The following ARHGAP35 variants were observed in gnomAD, a reference collection of about 807,000 sequenced individuals.
The protein encoded by ARHGAP35 is rho GTPase-activating protein 35.
ARHGAP35 carries 15 observed loss-of-function variants against 111.1 expected under a neutral mutation model. That is an observed-to-expected ratio of 0.13 (90% CI 0.09 to 0.21). The LOEUF (loss-of-function observed/expected upper bound fraction) is 0.21, where lower values mean the gene tolerates loss of function less well. ARHGAP35 is among the 10% of genes least tolerant of loss of function. The probability of loss-of-function intolerance (pLI) is 1.00; values close to 1 mark genes in which losing one functional copy is unlikely to be tolerated. For synonymous variants in ARHGAP35, 643 were observed against 710.3 expected (o/e 0.91, Z 1.51); for missense variants, 1,262 against 1,873.0 (o/e 0.67, Z 6.02).
chr19:46,904,623 A>G (rs545485531), intron 1 of ARHGAP35, among the ~76,000 whole-genome samples: 2 of 152,308 alleles, frequency 1.3e-5, no homozygotes, highest in South Asian at 4.1e-4. Context: ...CCATGATTCC[A>G]TCGTAAAGCA....
At chr19:46,903,790 C>G (rs1302687967) in intron 1 of ARHGAP35, among the ~76,000 whole-genome samples, 3 of 152,186 alleles carry the variant, frequency 2.0e-5, no homozygotes, top group Non-Finnish European at 4.4e-5. Context: ...AATCATGAAG[C>G]TAGCACTTTA....
At chr19:46,904,056 TC>T (rs1009994694) in intron 1 of ARHGAP35, among the ~76,000 whole-genome samples, 13 of 152,162 alleles carry the variant, frequency 8.5e-5, no homozygotes, top group African/African-American at 2.4e-4. Flanking sequence ...TTCTTTTTTG[TC>T]CCCTTCCCAG....
intron 1 of ARHGAP35, among the ~76,000 whole-genome samples, 23 bp downstream of exon 1, chr19:46,861,232 C>A (rs1437293209): frequency 6.6e-6 from 1 of 151,294 alleles, no homozygotes; most frequent in Admixed American, 6.6e-5. Context: ...GCTCACGGGC[C>A]CCGGGCGGCG....
intron 1 of ARHGAP35, among the ~76,000 whole-genome samples, chr19:46,911,199 C>T (rs1227104497): frequency 1.3e-5 from 2 of 152,202 alleles, no homozygotes; most frequent in Non-Finnish European, 2.9e-5. Flanking sequence ...CAAACTCTGC[C>T]AGTCTTTTAA....
chr19:46,902,301 A>G (rs2056086431), intron 1 of ARHGAP35, among the ~76,000 whole-genome samples: 1 of 152,202 alleles, frequency 6.6e-6, no homozygotes, highest in Non-Finnish European at 1.5e-5. Context: ...TGGCATTCTT[A>G]TGGAATGATA....
At chr19:46,946,433 G>C (rs1049675233) in intron 3 of ARHGAP35, 2 of 152,234 alleles carry the variant, frequency 1.3e-5, no homozygotes, top group Non-Finnish European at 2.9e-5. Context: ...ACCTTGAGAG[G>C]AGTCCTGCAT....
intron 1 of ARHGAP35, among the ~76,000 whole-genome samples, chr19:46,876,132 G>T (rs1181368555): frequency 2.0e-5 from 3 of 151,980 alleles, no homozygotes. Context: ...TAGGGTAACT[G>T]TGCTAGTTAA....
At chr19:46,910,175 TG>T (rs2056130491) in intron 1 of ARHGAP35, among the ~76,000 whole-genome samples, 1 of 152,172 alleles carries the variant, frequency 6.6e-6, no homozygotes, top group Non-Finnish European at 1.5e-5. Context: ...TGCAGTGATG[TG>T]ATCATAGATC....
chr19:46,912,656 G>C (rs955278815), intron 1 of ARHGAP35, among the ~76,000 whole-genome samples: 4 of 152,064 alleles, frequency 2.6e-5, no homozygotes, highest in Middle Eastern at 3.2e-3. Flanking sequence ...GCTCCTGGTC[G>C]TGTTCTCTTC....
intron 3 of ARHGAP35, chr19:46,946,878 G>A (rs1480793552): frequency 6.6e-6 from 1 of 152,186 alleles, no homozygotes; most frequent in Non-Finnish European, 1.5e-5. Context: ...CCTAAGCCCA[G>A]CTTCACATTT....
chr19:46,999,012 T>A lies in ARHGAP35; in HGVS notation c.4037-292T>A. 1 of 371,132 alleles carries A rather than the reference T, an allele frequency of 2.7e-6. No homozygotes were observed. Among genetic ancestry groups the A allele is most frequent in the Non-Finnish European group, 4.9e-6 (1 of 205,902 alleles). The allele number at this position is 371,132 out of a possible 1,614,324, so 23.0% of individuals were successfully genotyped here. ...CGGATGAGCAAAGAATGGTGTTCTT[T>A]ATGGCGGAGTGTCTCCAGATTGTTC... On this transcript the variant is annotated intron_variant, in intron 5 of 6. Coordinates refer to ENST00000672722, the MANE Select transcript of ARHGAP35 (RefSeq NM_004491.5). The surrounding 1 kb of genome is among the most constrained non-coding windows in gnomAD (Gnocchi z 5.4).
chr19:46,881,350 T>A (rs1162231492), intron 1 of ARHGAP35, among the ~76,000 whole-genome samples: 1 of 152,222 alleles, frequency 6.6e-6, no homozygotes, highest in East Asian at 1.9e-4. Context: ...AGTGTTGCCT[T>A]ATGAAATGTG....
intron 2 of ARHGAP35, among the ~76,000 whole-genome samples, chr19:46,935,113 C>T (rs1044260234): frequency 2.0e-5 from 3 of 152,148 alleles, no homozygotes; most frequent in Non-Finnish European, 2.9e-5. Context: ...AGTCTGAAGT[C>T]AGAGCCTGTT....
chr19:46,958,468 A>G (rs975185777), intron 3 of ARHGAP35, among the ~76,000 whole-genome samples: 15 of 152,210 alleles, frequency 9.9e-5, no homozygotes, highest in South Asian at 2.1e-4. Context: ...TTCCTAGTCT[A>G]ACAAATTTGT....
At chr19:46,956,956 C>CCTTTTT (rs767250329) in intron 3 of ARHGAP35, among the ~76,000 whole-genome samples, 1 of 107,618 alleles carries the variant, frequency 9.3e-6, no homozygotes, top group African/African-American at 3.7e-5. Flanking sequence ...TTAAAGCAGA[C>CCTTTTT]TTTTTTTTTT....
At chr19:46,888,837 C>CAAAA (rs769595005) in intron 1 of ARHGAP35, among the ~76,000 whole-genome samples, 3 of 57,362 alleles carry the variant, frequency 5.2e-5, no homozygotes, top group African/African-American at 9.9e-5. Context: ...ACTAAAAATA[C>CAAAA]AAAAAAAAAA....
chr19:46,989,469 C>G lies in ARHGAP35; in HGVS notation c.3905-75C>G. The G allele has an allele frequency of 6.3e-7, 1 of 1,586,596 alleles. No homozygotes were observed. Among genetic ancestry groups the G allele is most frequent in the Non-Finnish European group, 8.6e-7 (1 of 1,162,548 alleles). ...GCTCCTTGAGGTTTCTCTAGCCTCT[C>G]CTGAGCCCCGAGTTGTCCTGATGCT... On this transcript the variant is annotated intron_variant, in intron 4 of 6. Coordinates refer to ENST00000672722, the MANE Select transcript of ARHGAP35 (RefSeq NM_004491.5). The surrounding 1 kb of genome is among the most constrained non-coding windows in gnomAD (Gnocchi z 5.3).
Position 47,001,534 on chromosome 19 carries a change from G to T in ARHGAP35, c.*846G>T, listed in dbSNP as rs569104694. Reference sequence around the variant, plus strand: ...GTCTTTGTGGCAGCAAAACCAGGATGCCTGGAGCTGTGGCCTGAGGGCCTG... The same window carrying T: ...GTCTTTGTGGCAGCAAAACCAGGATTCCTGGAGCTGTGGCCTGAGGGCCTG... On this transcript the variant is annotated 3_prime_UTR_variant, in exon 7 of 7. Coordinates refer to ENST00000672722, the MANE Select transcript of ARHGAP35 (RefSeq NM_004491.5). The surrounding 1 kb of genome is among the most constrained non-coding windows in gnomAD (Gnocchi z 5.4). The T allele has an allele frequency of 5.9e-4, 387 of 657,646 alleles. 2 individuals are homozygous for T. The highest frequency in any genetic ancestry group is 7.2e-4 in the South Asian group (40 of 55,936). 40.7% of individuals were successfully genotyped at this position (657,646 alleles called of 1,614,324 possible).
At chr19:46,870,610 G>A (rs534594594) in intron 1 of ARHGAP35, among the ~76,000 whole-genome samples, 35 of 152,122 alleles carry the variant, frequency 2.3e-4, no homozygotes, top group African/African-American at 8.4e-4. Context: ...TCCTCTGATT[G>A]GTCAGTCAAC....
Sources: gnomAD v4.1 joint callset for allele counts (sites outside exome capture counted in the v4.1 genomes callset) on GRCh38, gnomAD v4.1.1 for gene constraint, Gnocchi (gnomAD v3.1) non-coding constraint, MANE v1.5 for transcripts, NCBI Gene and HGNC (gene_info 2026-07-23, HGNC 2026-07-21) for gene names.